Variants in MDN1 observed in about 807,000 individuals in gnomAD.
MDN1 encodes the protein midasin AAA ATPase 1, also known as midasin.
MDN1 carries 266 observed loss-of-function variants against 669.2 expected under a neutral mutation model. The ratio of observed to expected loss-of-function variants is 0.40; its 90% CI spans 0.36 to 0.44. MDN1 has a LOEUF of 0.44. MDN1 is among the 20% of genes least tolerant of loss of function. The pLI is 1.00. For missense variants in MDN1, 5,940 were observed against 6,754.0 expected (o/e 0.88, Z 4.22); for synonymous variants, 2,385 against 2,457.1 (o/e 0.97, Z 0.87).
intron 15 of MDN1, among the ~76,000 whole-genome samples, chr6:89,763,932 A>G (rs1477526869): frequency 6.6e-6 from 1 of 152,222 alleles, no homozygotes; most frequent in Non-Finnish European, 1.5e-5. Flanking sequence ...AAATGTACTG[A>G]GGCCAGGCAC....
chr6:89,815,361 T>C (rs1584414434), intron 1 of MDN1: 2 of 454,122 alleles, frequency 4.4e-6, no homozygotes, highest in South Asian at 3.4e-5. Context: ...AAGAGAGTGG[T>C]GAAATGACAC....
At chr6:89,697,472 CTT>C (rs1345192647) in intron 59 of MDN1, among the ~76,000 whole-genome samples, 2 of 152,078 alleles carry the variant, frequency 1.3e-5, no homozygotes, top group African/African-American at 2.4e-5. Context: ...AGAAAACAAA[CTT>C]GAGAGATGAC....
At chr6:89,692,233 T>G (rs1413470535) in intron 63 of MDN1, among the ~76,000 whole-genome samples, 3 of 152,098 alleles carry the variant, frequency 2.0e-5, no homozygotes, top group African/African-American at 7.2e-5. Flanking sequence ...AAGGCCGCTC[T>G]CATTTTTTTT....
chr6:89,797,441 G>A (rs1016345128), intron 2 of MDN1, among the ~76,000 whole-genome samples: 7 of 151,856 alleles, frequency 4.6e-5, no homozygotes, highest in Non-Finnish European at 7.4e-5. Context: ...GGACTGTAGC[G>A]GGTTCTGTTC....
intron 10 of MDN1, among the ~76,000 whole-genome samples, chr6:89,780,530 C>T (rs1818614945): frequency 6.6e-6 from 1 of 152,198 alleles, no homozygotes; most frequent in South Asian, 2.1e-4. Flanking sequence ...CAATCTTCAC[C>T]CATTCCAGGA....
At chr6:89,684,096 C>CT in intron 71 of MDN1, among the ~76,000 whole-genome samples, 192 bp from the exon 72 acceptor site, 2 of 152,144 alleles carry the variant, frequency 1.3e-5, no homozygotes, top group Admixed American at 1.3e-4. Context: ...GTAATCCCAG[C>CT]ACTTTGGGAG....
At chr6:89,808,076 G>C (rs1055577732) in intron 1 of MDN1, among the ~76,000 whole-genome samples, 2 of 151,330 alleles carry the variant, frequency 1.3e-5, no homozygotes, top group Non-Finnish European at 2.9e-5. Flanking sequence ...TCTTGGCCCA[G>C]CCTATAATCA....
At chr6:89,694,547 A>G (rs909779796) in intron 61 of MDN1, among the ~76,000 whole-genome samples, 5 of 152,092 alleles carry the variant, frequency 3.3e-5, no homozygotes, top group African/African-American at 9.7e-5. Flanking sequence ...ACCCAAATCA[A>G]CTTGACTCTT....
At chr6:89,742,945 T>C (rs1230873365) in intron 31 of MDN1, among the ~76,000 whole-genome samples, 1 of 152,112 alleles carries the variant, frequency 6.6e-6, no homozygotes, top group East Asian at 1.9e-4. Flanking sequence ...GGTGCACCTA[T>C]GAGAAGTATT....
chr6:89,663,121 T>A (rs532686219), intron 85 of MDN1, among the ~76,000 whole-genome samples, 154 bp from the exon 86 acceptor site: 2 of 152,316 alleles, frequency 1.3e-5, no homozygotes, highest in African/African-American at 4.8e-5. Flanking sequence ...TGCCTTTAGA[T>A]CTACTGACAT....
chr6:89,811,732 C>G (rs933032659), intron 1 of MDN1, among the ~76,000 whole-genome samples: 2 of 152,104 alleles, frequency 1.3e-5, no homozygotes, highest in Non-Finnish European at 2.9e-5. Context: ...GTGTGAGCCA[C>G]CGCAACCAGC....
At position 89,712,619 on chromosome 6, in the gene MDN1, T is replaced by C. The variant is rs769732219; in HGVS notation, c.7386A>G (p.Val2462=). ...TCATGCTCATCCTGTTGAGACAATATACTAAGATCTGTCCATCTCTTCGGA... is the reference window on the plus strand; with the variant it reads ...TCATGCTCATCCTGTTGAGACAATACACTAAGATCTGTCCATCTCTTCGGA... ...STVRRDGQIL[V]YCLNRMSMKT... is the part of the protein sequence containing the mutation. Residue 2462 remains valine, a synonymous_variant, in exon 48 of 102, where the codon GTA becomes GTG. Transcript: ENST00000369393. 2.5e-6 allele frequency: 4 copies of C among 1,614,190 alleles called. No individual in the cohort carries two copies. The highest frequency in any genetic ancestry group is 3.4e-6 in the Non-Finnish European group (4 of 1,180,020).
chr6:89,753,551 T>C lies in MDN1; in HGVS notation c.3036A>G (p.Gln1012=), dbSNP rs1817071789. The C allele has an allele frequency of 6.2e-7, 1 of 1,613,592 alleles. No individual in the cohort carries two copies. Among genetic ancestry groups the C allele is most frequent in the Non-Finnish European group, 8.5e-7 (1 of 1,179,632 alleles). ...TCTTGACATTGCCAGGGACAATGTG[T>C]TGACAGATGAGCTTCTGAACTATTG... The part of the protein sequence containing the change: ...SHPIVQKLIC[Q]HIVPGNVKSL... The change falls in exon 22 of 102, where the codon CAA becomes CAG. Residue 1012 remains glutamine, a synonymous_variant. Transcript: ENST00000369393.
rs1819607272 is a variant in MDN1 at position 89,796,341 on chromosome 6, A to AAAAAC, written c.330-1541_330-1540insGTTTT. Among the ~76,000 whole-genome samples, 9 of 110,230 alleles carry AAAAAC rather than the reference A, an allele frequency of 8.2e-5. 1 individual carries two copies. Among genetic ancestry groups the AAAAAC allele is most frequent in the African/African-American group, 1.1e-4 (3 of 26,514 alleles). 72.3% of individuals were successfully genotyped at this position (110,230 alleles called of 152,430 possible). On this transcript the variant is annotated intron_variant, in intron 2 of 101. Transcript: ENST00000369393. ...CTCTGTCTCAAAAAAAAAAAAAAAA[A>AAAAAC]AAAAAAAAACAAAAAAAAAAACCAA...
intron 72 of MDN1, 123 bp from the exon 73 acceptor site, chr6:89,683,453 C>T (rs1811783356): frequency 4.0e-6 from 3 of 743,944 alleles, no homozygotes; most frequent in African/African-American, 1.8e-5. Context: ...ATATACAATG[C>T]TCTCCTTAAA....
chr6:89,768,182 G>A (rs949429152), intron 15 of MDN1, among the ~76,000 whole-genome samples: 3 of 152,188 alleles, frequency 2.0e-5, no homozygotes, highest in African/African-American at 7.2e-5. Flanking sequence ...TTCATCCTGG[G>A]TGATATGGTT....
intron 12 of MDN1, 31 bp from the exon 13 acceptor site, chr6:89,774,764 A>G (rs1180303192): frequency 6.8e-7 from 1 of 1,459,934 alleles, no homozygotes; most frequent in Non-Finnish European, 9.6e-7. Context: ...CCTGAGTAAA[A>G]ATCCACATGC....
chr6:89,772,543 G>C, intron 14 of MDN1, 30 bp downstream of exon 14: 1 of 1,601,278 alleles, frequency 6.2e-7, no homozygotes, highest in Middle Eastern at 1.7e-4. Context: ...TGAAATATCT[G>C]GGGGCAGATT....
chr6:89,731,068 T>C, intron 34 of MDN1, 145 bp from the exon 35 acceptor site: 1 of 651,398 alleles, frequency 1.5e-6, no homozygotes, highest in Non-Finnish European at 2.6e-6. Context: ...TAAGCAGTCC[T>C]AAGAAAGAAG....
Sources: allele counts gnomAD v4.1 joint callset (sites outside exome capture counted in the v4.1 genomes callset), GRCh38; gene constraint gnomAD v4.1.1; transcripts MANE v1.5; gene names NCBI Gene and HGNC (gene_info 2026-07-23, HGNC 2026-07-21).